LRRIQ4: variants seen among roughly 807,000 people sequenced by gnomAD.
The protein encoded by LRRIQ4 is leucine-rich repeat and IQ domain-containing protein 4.
A neutral mutation model predicts 40.1 loss-of-function variants in LRRIQ4; 21 were observed. That is an observed-to-expected ratio of 0.52 (90% CI 0.37 to 0.75). The LOEUF is 0.75. Ranked by LOEUF, LRRIQ4 falls within the 30% of genes least tolerant of loss-of-function variation. LRRIQ4 has a pLI of 0.00. For synonymous variants in LRRIQ4, 277 were observed against 277.1 expected (o/e 1.00, Z 0.00); for missense variants, 655 against 660.0 (o/e 0.99, Z 0.08).
intron 1 of LRRIQ4, among the ~76,000 whole-genome samples, chr3:169,813,572 A>G (rs1205890697): frequency 1.3e-5 from 2 of 152,206 alleles, no homozygotes; most frequent in African/African-American, 4.8e-5. Context: ...TATCCTCTCC[A>G]TAGGGTGTAC....
At chr3:169,833,542 G>A (rs950615255) in intron 5 of LRRIQ4, among the ~76,000 whole-genome samples, 1 of 152,174 alleles carries the variant, frequency 6.6e-6, no homozygotes, top group African/African-American at 2.4e-5. Context: ...AAATGAAAGC[G>A]TTTATAGATG....
rs776819147 is a variant in LRRIQ4 at position 169,822,776 on chromosome 3, C to G, written c.855C>G (p.Leu285=). The G allele has an allele frequency of 1.2e-6, 2 of 1,613,520 alleles. No individual in the cohort carries two copies. Among genetic ancestry groups the G allele is most frequent in the African/African-American group, 2.7e-5 (2 of 74,936 alleles). The change falls in exon 2 of 6, where the codon CTC becomes CTG. Residue 285 remains leucine, a synonymous_variant. Coordinates refer to ENST00000340806, the MANE Select transcript of LRRIQ4 (RefSeq NM_001080460.3). The part of the protein sequence containing the change: ...LICRWTSLHL[L]YLGNTGLHRL... Reference sequence around the variant, plus strand: ...GCAGGTGGACCTCGCTGCACCTGCTCTACCTGGGAAACACCGGCCTGCACA... The same window carrying G: ...GCAGGTGGACCTCGCTGCACCTGCTGTACCTGGGAAACACCGGCCTGCACA...
intron 3 of LRRIQ4, among the ~76,000 whole-genome samples, chr3:169,829,714 T>C (rs912433689): frequency 6.6e-6 from 1 of 152,214 alleles, no homozygotes; most frequent in South Asian, 2.1e-4. Flanking sequence ...TTGGCCAGGC[T>C]GGTCTCGAAC....
At chr3:169,836,296 G>A (rs4352416) in intron 5 of LRRIQ4, among the ~76,000 whole-genome samples, 48,488 of 151,830 alleles carry the variant, frequency 0.32, 8,311 homozygotes, top group East Asian at 0.62. Context: ...TGAAAAAATG[G>A]CAGTCTTAGC....
In LRRIQ4 at chr3:169,822,549, C is replaced by T. The variant is rs748226398; in HGVS notation, c.628C>T (p.Leu210=). 1.9e-6 allele frequency: 3 copies of T among 1,613,932 alleles called. No homozygotes were observed. The South Asian group carries it at 3.3e-5, about 18-fold the overall frequency. The change falls in exon 2 of 6, where the codon CTG becomes TTG. Residue 210 remains leucine (L), a synonymous_variant. Transcript: ENST00000340806. ...TGCCATCCCAGAAGAGATCGGACAC[C>T]TGACGGGGCTGCAGAAGTTCTATAT... The part of the protein sequence containing the change: ...IGAIPEEIGH[L]TGLQKFYMAS...
Position 169,836,184 on chromosome 3 carries a change from TAA to T in LRRIQ4, c.1531-1282_1531-1281del, listed in dbSNP as rs879335270. 5.9e-4 allele frequency among the ~76,000 whole-genome samples: 84 copies of T among 141,970 alleles called. 2 individuals are homozygous for T. In the South Asian group the frequency reaches 0.017, roughly 29 times the overall value. 93.1% of individuals were successfully genotyped at this position (141,970 alleles called of 152,430 possible). A position where few individuals can be genotyped will look rare whatever the true frequency, so the allele number is the denominator to read the frequency against. ...TACTATGTTAGAGAGTGCTACTGTT[TAA>T]AAAAAAAAAAAAGTTAGCCTAAGGG... On this transcript the variant is annotated intron_variant, in intron 5 of 5. Transcript: ENST00000340806.
chr3:169,822,755 G>A lies in LRRIQ4; in HGVS notation c.834G>A (p.Arg278=), dbSNP rs1779940556. ...AGAAGGTGCCACGCCTCATTTGCAG[G>A]TGGACCTCGCTGCACCTGCTCTACC... ...RLEKVPRLIC[R]WTSLHLLYLG... is the part of the protein sequence containing the mutation. The change falls in exon 2 of 6, where the codon AGG becomes AGA. Residue 278 remains arginine (R), a synonymous_variant. Coordinates refer to ENST00000340806, the MANE Select transcript of LRRIQ4 (RefSeq NM_001080460.3). 1 of 1,613,736 alleles carries A rather than the reference G, an allele frequency of 6.2e-7. No homozygotes were observed. The highest frequency in any genetic ancestry group is 1.3e-5 in the African/African-American group (1 of 75,052).
intron 4 of LRRIQ4, 37 bp downstream of exon 4, chr3:169,830,667 T>C (rs376196431): frequency 6.2e-7 from 1 of 1,612,870 alleles, no homozygotes; most frequent in Non-Finnish European, 8.5e-7. Context: ...CTAGCAGAGT[T>C]TGTGGCCAGC....
At chr3:169,836,020 A>G (rs1036781291) in intron 5 of LRRIQ4, among the ~76,000 whole-genome samples, 2 of 152,198 alleles carry the variant, frequency 1.3e-5, no homozygotes, top group African/African-American at 4.8e-5. Flanking sequence ...ACAAACATTT[A>G]TTGAGCTTCT....
At chr3:169,823,026 T>G in intron 2 of LRRIQ4, 85 bp downstream of exon 2, 3 of 1,160,228 alleles carry the variant, frequency 2.6e-6, no homozygotes, top group Middle Eastern at 4.2e-4. Context: ...AACAGCAAAT[T>G]TGAACTGACT....
At chr3:169,829,316 C>T (rs1780111166) in intron 3 of LRRIQ4, among the ~76,000 whole-genome samples, 1 of 152,060 alleles carries the variant, frequency 6.6e-6, no homozygotes, top group African/African-American at 2.4e-5. Context: ...TTTTGGTGCC[C>T]AGGATTTCCT....
intron 3 of LRRIQ4, among the ~76,000 whole-genome samples, chr3:169,829,291 T>C (rs1341231332): frequency 2.0e-5 from 3 of 152,176 alleles, no homozygotes; most frequent in Non-Finnish European, 4.4e-5. Context: ...ACAAGTGACA[T>C]GCTGGGAGCC....
intron 5 of LRRIQ4, among the ~76,000 whole-genome samples, chr3:169,837,206 A>G (rs1780322565): frequency 6.6e-6 from 1 of 152,220 alleles, no homozygotes; most frequent in Non-Finnish European, 1.5e-5. Context: ...TCCTCACTGG[A>G]ATGTGAGCTC....
At position 169,828,832 on chromosome 3, in the gene LRRIQ4, C is replaced by T. The variant is rs780645218; in HGVS notation, c.1094C>T (p.Pro365Leu). The change falls in exon 3 of 6, where the codon CCG becomes CTG. Residue 365 changes from proline to leucine, a missense_variant. Physicochemically the swap from Pro to Leu is moderately conservative, Grantham distance 98. Coordinates refer to ENST00000340806, the MANE Select transcript of LRRIQ4 (RefSeq NM_001080460.3). The stretch of plus-strand genomic sequence containing the variant: ...ACAGGAAATGAGTTCCTTTCCTTTC[C>T]GGAGGAAGTCCTTTCTTTAGCGTCT... Reference protein sequence around the residue: ...GLTGNEFLSFPEEVLSLASLE... With the variant: ...GLTGNEFLSFLEEVLSLASLE... 3.7e-6 allele frequency: 6 copies of T among 1,613,664 alleles called. No individual in the cohort carries two copies. Among genetic ancestry groups the T allele is most frequent in the African/African-American group, 2.7e-5 (2 of 74,888 alleles).
intron 2 of LRRIQ4, among the ~76,000 whole-genome samples, chr3:169,824,207 G>C (rs1779989027): frequency 6.6e-6 from 1 of 152,088 alleles, no homozygotes; most frequent in Non-Finnish European, 1.5e-5. Flanking sequence ...TCTGGGAAGA[G>C]AGAAGGAAGT....
chr3:169,823,598 G>A (rs1039630106), intron 2 of LRRIQ4, among the ~76,000 whole-genome samples: 8 of 152,052 alleles, frequency 5.3e-5, no homozygotes, highest in African/African-American at 1.9e-4. Flanking sequence ...CGCCCGCCTC[G>A]GCCTCCCAAA....
chr3:169,837,421 A>C, intron 5 of LRRIQ4, 58 bp from the exon 6 acceptor site: 1 of 1,534,712 alleles, frequency 6.5e-7, no homozygotes, highest in Non-Finnish European at 8.8e-7. Context: ...GAGATTTAAC[A>C]ATTTCCAGTT....
chr3:169,817,317 T>C (rs1338770677), intron 1 of LRRIQ4, among the ~76,000 whole-genome samples: 1 of 152,250 alleles, frequency 6.6e-6, no homozygotes, highest in East Asian at 1.9e-4. Context: ...GATTTTGATA[T>C]TTTTGAAAAT....
In LRRIQ4 at chr3:169,821,919, A is replaced by G. The variant is rs1779898808; in HGVS notation, c.-3A>G. 4 of 1,431,200 alleles carry G rather than the reference A, an allele frequency of 2.8e-6. No homozygotes were observed. The East Asian group carries it at 7.5e-5, about 27-fold the overall frequency. 88.7% of individuals were successfully genotyped at this position (1,431,200 alleles called of 1,614,324 possible). On this transcript the variant is annotated 5_prime_UTR_variant, in exon 2 of 6. Transcript: ENST00000340806. ...TTGAATATTTGAGCTTTTCTTCACA[A>G]TAATGTCAAAAGACATAAAATCAGT...
Sources: allele counts gnomAD v4.1 joint callset (sites outside exome capture counted in the v4.1 genomes callset), GRCh38; gene constraint gnomAD v4.1.1; transcripts MANE v1.5; gene names NCBI Gene and HGNC (gene_info 2026-07-23, HGNC 2026-07-21).